LUC7L3: variants seen among roughly 807,000 people sequenced by gnomAD.
LUC7L3 encodes luc7-like protein 3.
A neutral mutation model predicts 66.8 loss-of-function variants in LUC7L3; 6 were observed. The observed-to-expected ratio is 0.09, with a 90% CI of 0.05 to 0.18. LUC7L3 has a LOEUF of 0.18. Among genes scored for constraint, LUC7L3 ranks in the 10% least tolerant of loss-of-function variants. LUC7L3 has a pLI of 1.00. For synonymous variants in LUC7L3, 160 were observed against 174.7 expected, an observed-to-expected ratio of 0.92 and a Z score of 0.66; for missense variants, 341 against 531.1, an observed-to-expected ratio of 0.64 and a Z score of 3.52.
Position 50,755,323 on chromosome 17 carries a change from T to TA in LUC7L3, c.*4663dup, listed in dbSNP as rs1364951339. On this transcript the variant is annotated 3_prime_UTR_variant, in exon 10 of 10. Transcript: ENST00000505658. ...TGGGGAGATGGGAGGTGGGAGGAAA[T>TA]ATAAACATATATGTATAGATCTTTC... is the stretch of plus-strand genomic sequence containing the variant. 1 of 152,192 alleles carries TA rather than the reference T, an allele frequency of 6.6e-6. No homozygotes were observed. Among genetic ancestry groups the TA allele is most frequent in the Admixed American group, 6.5e-5 (1 of 15,284 alleles). 9.4% of individuals were successfully genotyped at this position (152,192 alleles called of 1,614,324 possible). A position where few individuals can be genotyped will look rare whatever the true frequency, so the allele number is the denominator to read the frequency against.
chr17:50,736,197 A>G (rs1358332089), intron 1 of LUC7L3, among the ~76,000 whole-genome samples: 4 of 152,222 alleles, frequency 2.6e-5, no homozygotes, highest in Non-Finnish European at 4.4e-5. Context: ...AGGAAAGGTG[A>G]TATTTTGGAA....
chr17:50,743,232 G>T (rs569205789), intron 5 of LUC7L3, among the ~76,000 whole-genome samples: 1 of 151,426 alleles, frequency 6.6e-6, no homozygotes, highest in African/African-American at 2.4e-5. Flanking sequence ...AGAGTCTCAC[G>T]TCATCATCCA....
chr17:50,727,857 A>G (rs1056735693), intron 1 of LUC7L3, among the ~76,000 whole-genome samples: 3 of 152,030 alleles, frequency 2.0e-5, no homozygotes, highest in Non-Finnish European at 4.4e-5. Flanking sequence ...AGTAATCCCA[A>G]TACTTTGGAA....
Position 50,752,496 on chromosome 17 carries a change from C to T in LUC7L3, c.*1835C>T, listed in dbSNP as rs1971021776. The T allele has an allele frequency of 1.8e-5, 3 of 167,266 alleles. No individual in the cohort carries two copies. In the South Asian group the frequency reaches 4.2e-4, roughly 23 times the overall value. 10.4% of individuals were successfully genotyped at this position (167,266 alleles called of 1,614,324 possible). ...ATGTGGCTTGCTCAGTGTTTAATTG[C>T]AAGTTTTCAATCTTGGACTTTGAAA... On this transcript the variant is annotated 3_prime_UTR_variant, in exon 10 of 10. Transcript: ENST00000505658.
rs536745374 is a variant in LUC7L3 at position 50,726,815 on chromosome 17, C to A, written c.99+6984C>A. On this transcript the variant is annotated intron_variant, in intron 1 of 9. Coordinates refer to ENST00000505658, the MANE Select transcript of LUC7L3 (RefSeq NM_016424.5). ...TGTAAGAATACAGTATATAGCCAGGCACGGTGGCTTACGTCTTTAATCCCA... is the reference window on the plus strand; with the variant it reads ...TGTAAGAATACAGTATATAGCCAGGAACGGTGGCTTACGTCTTTAATCCCA... Among the ~76,000 whole-genome samples the A allele has an allele frequency of 7.2e-5, 11 of 152,192 alleles. No homozygotes were observed. The East Asian group carries it at 1.9e-3, about 27-fold the overall frequency.
At chr17:50,740,223 A>AAAGAAAAATAACTCTTTTTTTTTGGC in intron 2 of LUC7L3, 83 bp from the exon 3 acceptor site, 1 of 1,083,538 alleles carries the variant, frequency 9.2e-7, no homozygotes, top group Non-Finnish European at 1.4e-6. Context: ...TTCTTTTTAA[A>AAAGAAAAATAACTCTTTTTTTTTGGC]AAGAAAAATA....
At chr17:50,735,313 A>T (rs947691554) in intron 1 of LUC7L3, among the ~76,000 whole-genome samples, 22 of 152,082 alleles carry the variant, frequency 1.4e-4, no homozygotes, top group Non-Finnish European at 2.8e-4. Context: ...TTATGACTTT[A>T]ATCCTGGATG....
intron 1 of LUC7L3, among the ~76,000 whole-genome samples, chr17:50,721,443 C>G (rs1238420051): frequency 1.3e-5 from 2 of 152,162 alleles, no homozygotes; most frequent in African/African-American, 4.8e-5. Flanking sequence ...TTTATGTCAT[C>G]TCAGCCGTAA....
intron 1 of LUC7L3, among the ~76,000 whole-genome samples, chr17:50,724,612 TGTGTGTGTG>T (rs1969036356): frequency 1.7e-3 from 1 of 606 alleles, no homozygotes; most frequent in East Asian, 0.023. Context: ...TTAGGAAAAT[TGTGTGTGTG>T]TGTGTGTGTG....
At chr17:50,743,834 ATCT>A in intron 6 of LUC7L3, 24 bp downstream of exon 6, 1 of 1,498,894 alleles carries the variant, frequency 6.7e-7, no homozygotes, top group Non-Finnish European at 9.2e-7. Flanking sequence ...ATTTCACATT[ATCT>A]CATCTGTCTG....
chr17:50,746,863 A>G (rs1970700808), intron 9 of LUC7L3, among the ~76,000 whole-genome samples, 161 bp downstream of exon 9: 1 of 152,144 alleles, frequency 6.6e-6, no homozygotes, highest in Non-Finnish European at 1.5e-5. Flanking sequence ...CCCCTCTCCT[A>G]CTTAGATTTG....
chr17:50,721,839 A>T (rs1424293004), intron 1 of LUC7L3, among the ~76,000 whole-genome samples: 1 of 151,666 alleles, frequency 6.6e-6, no homozygotes, highest in Non-Finnish European at 1.5e-5. Context: ...TTCCTGTTCT[A>T]TCTGGAAATT....
intron 1 of LUC7L3, chr17:50,722,759 C>A (rs1968879540): frequency 1.3e-5 from 2 of 152,160 alleles, no homozygotes; most frequent in African/African-American, 4.8e-5. Context: ...TGTATGTAAC[C>A]TTCACCAAGG....
rs1970360087 is a variant in LUC7L3, at chr17:50,741,738, A to G, written c.426+7A>G. On this transcript the variant is annotated splice_region_variant and intron_variant, in intron 5 of 9. Transcript: ENST00000505658. ...TGATGTACTTCTGCAACAGGTGAGA[A>G]TTGTGTGCATTAATGTCAGGAAGTA... is the stretch of plus-strand genomic sequence containing the variant. The G allele has an allele frequency of 6.2e-7, 1 of 1,603,800 alleles. No homozygotes were observed. The highest frequency in any genetic ancestry group is 1.3e-5 in the African/African-American group (1 of 74,730).
At chr17:50,719,916 G>C (rs1028162834) in intron 1 of LUC7L3, 85 bp downstream of exon 1, 3 of 1,317,630 alleles carry the variant, frequency 2.3e-6, no homozygotes, top group South Asian at 1.4e-5. Context: ...GCCGCGGCGC[G>C]ATGTGGCCAG....
Position 50,732,807 on chromosome 17 carries a change from G to T in LUC7L3, c.100-4153G>T, listed in dbSNP as rs1969706645. On this transcript the variant is annotated intron_variant, in intron 1 of 9. Coordinates refer to ENST00000505658, the MANE Select transcript of LUC7L3 (RefSeq NM_016424.5). ...GCTGGAGTGCAGCGGTGTGATCACA[G>T]CACACTGCCACCTCCACCTTTGAGG... Among the ~76,000 whole-genome samples the T allele has an allele frequency of 2.6e-5, 4 of 152,144 alleles. No homozygotes were observed. In the South Asian group the frequency reaches 8.3e-4, roughly 31 times the overall value.
chr17:50,725,682 A>G (rs558342348), intron 1 of LUC7L3, among the ~76,000 whole-genome samples: 2 of 152,182 alleles, frequency 1.3e-5, no homozygotes, highest in Non-Finnish European at 1.5e-5. Flanking sequence ...ATATTGGAAC[A>G]TTTTTTGGAG....
chr17:50,725,736 T>A (rs1453669036), intron 1 of LUC7L3, among the ~76,000 whole-genome samples: 1 of 152,152 alleles, frequency 6.6e-6, no homozygotes, highest in Non-Finnish European at 1.5e-5. Context: ...TCACATAGCT[T>A]AGAAATATTT....
intron 9 of LUC7L3, among the ~76,000 whole-genome samples, chr17:50,749,043 T>A (rs1970852504): frequency 1.3e-5 from 2 of 152,214 alleles, no homozygotes; most frequent in African/African-American, 4.8e-5. Context: ...GGTGCTATGA[T>A]AGAAGCAGTT....
Sources: gnomAD v4.1 joint callset for allele counts (sites outside exome capture counted in the v4.1 genomes callset) on GRCh38, gnomAD v4.1.1 for gene constraint, MANE v1.5 for transcripts, NCBI Gene and HGNC (gene_info 2026-07-23, HGNC 2026-07-21) for gene names.